EPHA5: variants seen among roughly 807,000 people sequenced by gnomAD.
EPHA5 encodes the protein ephrin type-A receptor 5.
A neutral mutation model predicts 105.0 loss-of-function variants in EPHA5; 60 were observed. The observed-to-expected ratio is 0.57, with a 90% confidence interval of 0.46 to 0.71. EPHA5 has a LOEUF of 0.71. Ranked by LOEUF, EPHA5 falls within the 30% of genes least tolerant of loss-of-function variation. The probability of loss-of-function intolerance (pLI) is 0.00; values close to 1 mark genes in which losing one functional copy is unlikely to be tolerated. For missense variants in EPHA5, 1,218 were observed against 1,274.7 expected, an observed-to-expected ratio of 0.96 and a Z score of 0.68; for synonymous variants, 513 against 449.1, an observed-to-expected ratio of 1.14 and a Z score of -1.80.
chr4:65,527,500 G>A (rs926196239), intron 3 of EPHA5, among the ~76,000 whole-genome samples: 5 of 152,060 alleles, frequency 3.3e-5, no homozygotes, highest in Non-Finnish European at 7.4e-5. Context: ...GTTTATGACA[G>A]AATAAGAAGT....
chr4:65,544,465 CAT>C (rs1204607912), intron 3 of EPHA5, among the ~76,000 whole-genome samples: 3 of 151,756 alleles, frequency 2.0e-5, no homozygotes, highest in African/African-American at 7.2e-5. Context: ...GGCCAAGAAA[CAT>C]ATGAAAAAAA....
chr4:65,628,990 T>A (rs979150917), intron 2 of EPHA5, among the ~76,000 whole-genome samples: 1 of 152,196 alleles, frequency 6.6e-6, no homozygotes, highest in African/African-American at 2.4e-5. Flanking sequence ...GCACACCATT[T>A]CCATTATCTG....
chr4:65,371,694 A>G (rs1386565908), intron 8 of EPHA5, among the ~76,000 whole-genome samples: 6 of 152,038 alleles, frequency 3.9e-5, no homozygotes, highest in African/African-American at 1.4e-4. Flanking sequence ...CCAATGAGGA[A>G]AGGTAAGTGA....
At chr4:65,565,129 C>A (rs1387297899) in intron 3 of EPHA5, among the ~76,000 whole-genome samples, 1 of 151,606 alleles carries the variant, frequency 6.6e-6, no homozygotes, top group African/African-American at 2.4e-5. Flanking sequence ...TCAGAGGGTT[C>A]CTTAAAAATT....
chr4:65,538,695 T>G (rs961948258), intron 3 of EPHA5, among the ~76,000 whole-genome samples: 2 of 151,762 alleles, frequency 1.3e-5, no homozygotes, highest in Non-Finnish European at 3.0e-5. Flanking sequence ...GCTAGGCACA[T>G]AGCGATCCAA....
intron 11 of EPHA5, among the ~76,000 whole-genome samples, chr4:65,360,873 G>A (rs1717238788): frequency 6.6e-6 from 1 of 151,238 alleles, no homozygotes; most frequent in African/African-American, 2.4e-5. Context: ...TAGACACAAA[G>A]GGGGTGACAA....
intron 3 of EPHA5, among the ~76,000 whole-genome samples, chr4:65,502,570 A>G (rs1210833121): frequency 6.6e-6 from 1 of 151,946 alleles, no homozygotes; most frequent in African/African-American, 2.4e-5. Context: ...AATAGTCACT[A>G]TGGTCATTAT....
At chr4:65,445,000 G>C (rs1334655229) in intron 5 of EPHA5, among the ~76,000 whole-genome samples, 1 of 152,014 alleles carries the variant, frequency 6.6e-6, no homozygotes, top group African/African-American at 2.4e-5. Context: ...TAGTATTGGA[G>C]TTTAGAAGAG....
At chr4:65,348,761 GTATATATA>G (rs933969822) in intron 13 of EPHA5, among the ~76,000 whole-genome samples, 2 of 119,912 alleles carry the variant, frequency 1.7e-5, no homozygotes, top group African/African-American at 3.0e-5. Flanking sequence ...ATATATATGT[GTATATATA>G]TGTGTGTGCA....
chr4:65,478,478 T>C (rs1394890464), intron 5 of EPHA5, among the ~76,000 whole-genome samples: 1 of 152,152 alleles, frequency 6.6e-6, no homozygotes, highest in East Asian at 1.9e-4. Context: ...ACTGTTATGC[T>C]CTTTTTTTTC....
At chr4:65,468,637 AAC>A (rs1296994428) in intron 5 of EPHA5, among the ~76,000 whole-genome samples, 119 of 123,794 alleles carry the variant, frequency 9.6e-4, no homozygotes, top group African/African-American at 3.5e-3. Context: ...AAATATATAT[AAC>A]ATATATACAT....
intron 3 of EPHA5, among the ~76,000 whole-genome samples, chr4:65,566,520 C>T (rs1407283235): frequency 6.6e-6 from 1 of 151,682 alleles, no homozygotes; most frequent in African/African-American, 2.4e-5. Flanking sequence ...TCAATTCCAC[C>T]CACCCATCTT....
At chr4:65,478,276 T>C (rs890823592) in intron 5 of EPHA5, among the ~76,000 whole-genome samples, 1 of 152,196 alleles carries the variant, frequency 6.6e-6, no homozygotes, top group African/African-American at 2.4e-5. Flanking sequence ...TCATGACATG[T>C]AATGAAACAA....
At chr4:65,343,233 T>C (rs1721902717) in intron 14 of EPHA5, among the ~76,000 whole-genome samples, 2 of 152,200 alleles carry the variant, frequency 1.3e-5, no homozygotes, top group Admixed American at 6.5e-5. Context: ...TTCTACTGAC[T>C]ACATGATATT....
chr4:65,348,006 A>C, intron 14 of EPHA5, 48 bp downstream of exon 14: 1 of 1,502,492 alleles, frequency 6.7e-7, no homozygotes, highest in Non-Finnish European at 8.9e-7. Context: ...TGACTCAGAG[A>C]ACAAAGCATT....
chr4:65,608,284 A>G (rs1032130587), intron 2 of EPHA5, among the ~76,000 whole-genome samples: 10 of 152,132 alleles, frequency 6.6e-5, no homozygotes, highest in African/African-American at 2.2e-4. Context: ...TAAGTGGATC[A>G]CGGAGGTCAG....
rs150432088 is a variant in EPHA5, at chr4:65,483,945, G to C, written c.1402+6432C>G. The stretch of plus-strand genomic sequence containing the variant: ...GTCATAAAGAACATGGAAGAAAAAA[G>C]GCTGGTGCTTATGAAAACATTAGCA... On this transcript the variant is annotated intron_variant, in intron 5 of 16. Coordinates refer to ENST00000613740, the MANE Select transcript of EPHA5 (RefSeq NM_001281766.3). 2.6e-5 allele frequency among the ~76,000 whole-genome samples: 4 copies of C among 152,132 alleles called. No homozygotes were observed. In the East Asian group the frequency reaches 7.8e-4, roughly 29 times the overall value.
intron 3 of EPHA5, among the ~76,000 whole-genome samples, chr4:65,546,855 C>T (rs1332265008): frequency 2.8e-5 from 1 of 36,142 alleles, no homozygotes; most frequent in African/African-American, 8.1e-5. Context: ...AAAAGTAACT[C>T]CTTTTTTTTT....
In EPHA5 at chr4:65,323,678, T is replaced by C; in HGVS notation, c.*436A>G. On this transcript the variant is annotated 3_prime_UTR_variant, in exon 17 of 17. Transcript: ENST00000613740. ...TACACTTTTGTAGACAATTAAGACT[T>C]GAAGTAAACTTCAGTAAACTGTAGC... 4.4e-6 allele frequency: 1 copy of C among 226,984 alleles called. No homozygotes were observed. Among genetic ancestry groups the C allele is most frequent in the Non-Finnish European group, 8.6e-6 (1 of 116,410 alleles). The allele number at this position is 226,984 out of a possible 1,614,324, so 14.1% of individuals were successfully genotyped here.
Sources: gnomAD v4.1 joint callset for allele counts (sites outside exome capture counted in the v4.1 genomes callset) on GRCh38, gnomAD v4.1.1 for gene constraint, MANE v1.5 for transcripts, NCBI Gene and HGNC (gene_info 2026-07-23, HGNC 2026-07-21) for gene names.